Variants in PARD3 observed in about 807,000 individuals in gnomAD.
PARD3 encodes the protein partitioning defective 3 homolog.
In PARD3, 75 loss-of-function variants were observed where a neutral mutation model predicts 155.4. The observed-to-expected ratio is 0.48, with a 90% CI of 0.40 to 0.58. PARD3 has a LOEUF of 0.58. PARD3 is among the 20% of genes least tolerant of loss of function. PARD3 has a pLI of 0.00. For missense variants in PARD3, 1,642 were observed against 1,721.7 expected, an observed-to-expected ratio of 0.95 and a Z score of 0.82; for synonymous variants, 576 against 610.5, an observed-to-expected ratio of 0.94 and a Z score of 0.83.
intron 22 of PARD3, among the ~76,000 whole-genome samples, chr10:34,219,141 T>C (rs1952152959): frequency 6.6e-6 from 1 of 152,164 alleles, no homozygotes; most frequent in South Asian, 2.1e-4. Flanking sequence ...AAAATCAAAA[T>C]GAAAAAATCT....
At position 34,355,958 on chromosome 10, in the gene PARD3, C is replaced by CAAAA. The variant is rs1491326864; in HGVS notation, c.2067+3188_2067+3189insTTTT. On this transcript the variant is annotated intron_variant, in intron 14 of 24. Coordinates refer to ENST00000374788, the MANE Select transcript of PARD3 (RefSeq NM_001184785.2). Reference sequence around the variant, plus strand: ...AAAAAAAAAAAAAACAAAACAAAACCAAACAAAAAAACAGACAACAGACCC... The same window carrying CAAAA: ...AAAAAAAAAAAAAACAAAACAAAACCAAAAAAACAAAAAAACAGACAACAGACCC... Among the ~76,000 whole-genome samples the CAAAA allele has an allele frequency of 2.1e-3, 243 of 116,158 alleles. 18 individuals carry two copies. The highest frequency in any genetic ancestry group is 9.6e-3 in the African/African-American group (208 of 21,630). 76.2% of individuals were successfully genotyped at this position (116,158 alleles called of 152,430 possible). A position where few individuals can be genotyped will look rare whatever the true frequency, so the allele number is the denominator to read the frequency against.
intron 1 of PARD3, among the ~76,000 whole-genome samples, chr10:34,736,830 C>T (rs1233528402): frequency 1.3e-5 from 2 of 152,094 alleles, no homozygotes; most frequent in Non-Finnish European, 2.9e-5. Flanking sequence ...GCATGCGCCA[C>T]CATGCCCAGC....
intron 19 of PARD3, among the ~76,000 whole-genome samples, chr10:34,328,894 C>CA (rs1386624344): frequency 6.6e-6 from 1 of 152,056 alleles, no homozygotes; most frequent in Admixed American, 6.6e-5. Context: ...GACTGGTATG[C>CA]AAAAAATAAT....
At chr10:34,717,371 A>G (rs1163921487) in intron 1 of PARD3, among the ~76,000 whole-genome samples, 1 of 152,238 alleles carries the variant, frequency 6.6e-6, no homozygotes, top group Non-Finnish European at 1.5e-5. Context: ...AAGTAGAAAT[A>G]AAACAGCCAT....
intron 3 of PARD3, among the ~76,000 whole-genome samples, chr10:34,513,189 T>G (rs1420192977): frequency 6.6e-6 from 1 of 152,162 alleles, no homozygotes; most frequent in Admixed American, 6.6e-5. Context: ...AAAGATAATA[T>G]AGTTCCAACC....
At chr10:34,381,841 T>C (rs1589377053) in intron 9 of PARD3, among the ~76,000 whole-genome samples, 1 of 136,724 alleles carries the variant, frequency 7.3e-6, no homozygotes. Flanking sequence ...TGACATGGGG[T>C]GTTGCGGGCT....
chr10:34,373,526 G>GC (rs1554841651), intron 11 of PARD3, among the ~76,000 whole-genome samples: 7 of 142,926 alleles, frequency 4.9e-5, no homozygotes. Flanking sequence ...AAAGCTAGTT[G>GC]TTTTTTTTTT....
intron 1 of PARD3, among the ~76,000 whole-genome samples, chr10:34,764,592 T>G (rs375202785): frequency 1.3e-5 from 2 of 152,080 alleles, no homozygotes; most frequent in East Asian, 1.9e-4. Context: ...AGCTGAGTGG[T>G]GGGTGCCTGA....
chr10:34,759,641 C>A (rs1045818421), intron 1 of PARD3, among the ~76,000 whole-genome samples: 4 of 152,192 alleles, frequency 2.6e-5, no homozygotes, highest in Admixed American at 6.5e-5. Flanking sequence ...TTGAGGCAGC[C>A]AATTCAACAG....
chr10:34,494,822 T>C (rs2133360003), intron 3 of PARD3, among the ~76,000 whole-genome samples: 1 of 152,252 alleles, frequency 6.6e-6, no homozygotes, highest in East Asian at 1.9e-4. Flanking sequence ...TTTCCATGCC[T>C]CAATGGTTCT....
chr10:34,413,170 CACACACA>C (rs1845285624), intron 5 of PARD3, among the ~76,000 whole-genome samples: 1 of 151,720 alleles, frequency 6.6e-6, no homozygotes, highest in South Asian at 2.1e-4. Flanking sequence ...CACACACACA[CACACACA>C]CACATATATA....
At chr10:34,136,367 G>A (rs1485305422) in intron 22 of PARD3, among the ~76,000 whole-genome samples, 2 of 152,140 alleles carry the variant, frequency 1.3e-5, no homozygotes, top group Non-Finnish European at 2.9e-5. Flanking sequence ...AGTTTGTGAT[G>A]TGACTGATTA....
chr10:34,522,188 G>A (rs912351350), intron 2 of PARD3, among the ~76,000 whole-genome samples: 3 of 152,156 alleles, frequency 2.0e-5, no homozygotes, highest in East Asian at 1.9e-4. Flanking sequence ...GGAGAGCCAC[G>A]CCTGGCTGCG....
intron 22 of PARD3, among the ~76,000 whole-genome samples, chr10:34,180,239 G>T (rs1302090333): frequency 6.6e-6 from 1 of 152,096 alleles, no homozygotes; most frequent in African/African-American, 2.4e-5. Flanking sequence ...TAGAGACGGG[G>T]TTTCACCATG....
intron 1 of PARD3, among the ~76,000 whole-genome samples, chr10:34,757,782 A>C (rs1836941890): frequency 1.3e-5 from 2 of 152,206 alleles, no homozygotes; most frequent in South Asian, 4.1e-4. Flanking sequence ...GACCATGCCC[A>C]GGATTCTGGT....
At chr10:34,614,738 C>T (rs1198570330) in intron 2 of PARD3, among the ~76,000 whole-genome samples, 4 of 152,100 alleles carry the variant, frequency 2.6e-5, no homozygotes, top group Non-Finnish European at 5.9e-5. Context: ...AGATCGAATG[C>T]ATCCTTATCT....
At chr10:34,134,795 T>C (rs560203017) in intron 22 of PARD3, among the ~76,000 whole-genome samples, 3 of 152,352 alleles carry the variant, frequency 2.0e-5, no homozygotes, top group Admixed American at 2.0e-4. Context: ...TCAAGCCCCC[T>C]TGGGGAACAA....
chr10:34,651,029 A>C (rs2092998521), intron 2 of PARD3, among the ~76,000 whole-genome samples: 1 of 135,034 alleles, frequency 7.4e-6, no homozygotes, highest in Non-Finnish European at 1.7e-5. Context: ...AAAAAAAAAA[A>C]AAAAAAAAAA....
At chr10:34,361,311 C>A (rs1203659618) in intron 12 of PARD3, among the ~76,000 whole-genome samples, 1 of 152,198 alleles carries the variant, frequency 6.6e-6, no homozygotes, top group African/African-American at 2.4e-5. Flanking sequence ...TCTTTTCCCA[C>A]GTTTGAAATA....
Sources: gnomAD v4.1 joint callset for allele counts (sites outside exome capture counted in the v4.1 genomes callset) on GRCh38, gnomAD v4.1.1 for gene constraint, MANE v1.5 for transcripts, NCBI Gene and HGNC (gene_info 2026-07-23, HGNC 2026-07-21) for gene names.